Variants in ZNF532 observed in about 807,000 individuals in gnomAD.
ZNF532 encodes zinc finger protein 532.
ZNF532 carries 22 observed loss-of-function variants against 89.3 expected under a neutral mutation model. The ratio of observed to expected loss-of-function variants is 0.25; its 90% CI spans 0.18 to 0.35. The LOEUF (loss-of-function observed/expected upper bound fraction) is 0.35. ZNF532 is among the 10% of genes least tolerant of loss of function. The pLI is 1.00. For synonymous variants in ZNF532, 606 were observed against 649.6 expected, an observed-to-expected ratio of 0.93 and a Z score of 1.02; for missense variants, 1,132 against 1,643.4, an observed-to-expected ratio of 0.69 and a Z score of 5.38.
intron 2 of ZNF532, among the ~76,000 whole-genome samples, chr18:58,879,546 G>A (rs899314904): frequency 6.6e-6 from 1 of 152,016 alleles, no homozygotes; most frequent in Non-Finnish European, 1.5e-5. Flanking sequence ...TTGCCACCAC[G>A]CCCGGCTAAT....
chr18:58,899,610 A>T (rs1268340914), intron 2 of ZNF532, among the ~76,000 whole-genome samples: 1 of 152,152 alleles, frequency 6.6e-6, no homozygotes, highest in Non-Finnish European at 1.5e-5. Flanking sequence ...CTGAGACTAC[A>T]GGTGCGAGCC....
At chr18:58,903,937 G>A (rs2145719883) in intron 2 of ZNF532, among the ~76,000 whole-genome samples, 1 of 152,310 alleles carries the variant, frequency 6.6e-6, no homozygotes, top group East Asian at 1.9e-4. Flanking sequence ...AGAAATTTAA[G>A]AAAATTTCAG....
chr18:58,920,377 A>G lies in ZNF532; in HGVS notation c.2090A>G (p.Asn697Ser), dbSNP rs2060938016. The G allele has an allele frequency of 6.2e-7, 1 of 1,613,850 alleles. No individual in the cohort carries two copies. Among genetic ancestry groups the G allele is most frequent in the African/African-American group, 1.3e-5 (1 of 74,910 alleles). ...ADQMIVSPSS[N>S]TSTSTSTLQS... ...CAAATGATAGTTTCTCCGTCAAGCAATACTTCCACTTCAACTTCCACTCTT... is the reference window on the plus strand; with the variant it reads ...CAAATGATAGTTTCTCCGTCAAGCAGTACTTCCACTTCAACTTCCACTCTT... Residue 697 changes from asparagine (N) to serine (S), a missense_variant, in exon 3 of 10, where the codon AAT (asparagine) becomes AGT (serine). Physicochemically the swap from Asn to Ser is conservative, Grantham distance 46. Coordinates refer to ENST00000591808, the MANE Select transcript of ZNF532 (RefSeq NM_001375912.1).
At chr18:58,908,974 A>G (rs1035648699) in intron 2 of ZNF532, among the ~76,000 whole-genome samples, 5 of 151,940 alleles carry the variant, frequency 3.3e-5, no homozygotes, top group Non-Finnish European at 5.9e-5. Context: ...TTTTTTGGAG[A>G]TGGAGTTTCG....
At chr18:58,918,193 T>C (rs1300796141) in intron 2 of ZNF532, 78 bp from the exon 3 acceptor site, 3 of 1,291,748 alleles carry the variant, frequency 2.3e-6, no homozygotes, top group South Asian at 1.5e-5. Context: ...GTTATGTTAG[T>C]GTGAATTGTA....
chr18:58,919,147 G>T lies in ZNF532; in HGVS notation c.860G>T (p.Cys287Phe). 6.2e-7 allele frequency: 1 copy of T among 1,614,228 alleles called. No individual in the cohort carries two copies. The highest frequency in any genetic ancestry group is 8.5e-7 in the Non-Finnish European group (1 of 1,180,034). ...GCTAAAAAGGCGGCTTCAGACTCCTGCAAAGAACCAGTGGCCAATTCGAGG... is the reference window on the plus strand; with the variant it reads ...GCTAAAAAGGCGGCTTCAGACTCCTTCAAAGAACCAGTGGCCAATTCGAGG... ...LSAKKAASDS[C>F]KEPVANSRES... Residue 287 changes from cysteine (C) to phenylalanine (F), a missense_variant, in exon 3 of 10, where the codon TGC (cysteine) becomes TTC (phenylalanine). By Grantham distance (205) the Cys-to-Phe change is radical (BLOSUM62 -2). Around this residue, in one of 9 missense-constraint regions of ZNF532, gnomAD observed 302 missense variants for 319.8 expected, o/e 0.94. Coordinates refer to ENST00000591808, the MANE Select transcript of ZNF532 (RefSeq NM_001375912.1). The surrounding 1 kb of genome is among the most constrained non-coding windows in gnomAD (Gnocchi z 6.1).
intron 3 of ZNF532, chr18:58,931,864 C>G (rs900070391): frequency 6.6e-6 from 1 of 152,148 alleles, no homozygotes; most frequent in African/African-American, 2.4e-5. Flanking sequence ...TGCTTGAGGC[C>G]AGGAGGTGGA....
intron 2 of ZNF532, among the ~76,000 whole-genome samples, chr18:58,890,494 C>T (rs2058810620): frequency 6.6e-6 from 1 of 151,414 alleles, no homozygotes; most frequent in Non-Finnish European, 1.5e-5. Flanking sequence ...TTTTTTAAAC[C>T]TTAAACTGTA....
intron 2 of ZNF532, chr18:58,916,634 C>A: frequency 1.2e-6 from 1 of 861,606 alleles, no homozygotes; most frequent in Non-Finnish European, 1.4e-6. Flanking sequence ...CGGATTTATT[C>A]TTCAGCTCCC....
At chr18:58,889,126 G>A (rs954832213) in intron 2 of ZNF532, among the ~76,000 whole-genome samples, 1 of 151,004 alleles carries the variant, frequency 6.6e-6, no homozygotes, top group African/African-American at 2.4e-5. Flanking sequence ...AGAATATTCA[G>A]TGTACTTCTC....
chr18:58,928,032 G>C (rs2061665121), intron 3 of ZNF532, among the ~76,000 whole-genome samples: 1 of 152,094 alleles, frequency 6.6e-6, no homozygotes, highest in Non-Finnish European at 1.5e-5. Flanking sequence ...TCTTGATTTA[G>C]CTCAGTCACT....
intron 2 of ZNF532, among the ~76,000 whole-genome samples, chr18:58,906,630 C>T (rs1038310581): frequency 7.2e-5 from 11 of 152,058 alleles, no homozygotes; most frequent in Admixed American, 1.3e-4. Context: ...GCACCTGCAC[C>T]GGTGCTGGGT....
In ZNF532 at chr18:58,888,891, T is replaced by TTATATA. The variant is rs71173096; in HGVS notation, c.-18+23329_-18+23334dup. On this transcript the variant is annotated intron_variant, in intron 2 of 9. Coordinates refer to ENST00000591808, the MANE Select transcript of ZNF532 (RefSeq NM_001375912.1). ...ATAATATATATTATATATATATATTTTATATATATATATATATATATAATT... is the reference window on the plus strand; with the variant it reads ...ATAATATATATTATATATATATATTTTATATATATATATATATATATATATATAATT... 5.4e-4 allele frequency among the ~76,000 whole-genome samples: 20 copies of TTATATA among 37,276 alleles called. No individual in the cohort carries two copies. In the East Asian group the frequency reaches 7.1e-3, roughly 13 times the overall value. 24.5% of individuals were successfully genotyped at this position (37,276 alleles called of 152,430 possible).
intron 7 of ZNF532, among the ~76,000 whole-genome samples, chr18:58,958,856 T>C (rs2065049303): frequency 6.6e-6 from 1 of 152,226 alleles, no homozygotes; most frequent in African/African-American, 2.4e-5. Flanking sequence ...TTTCCTCAGA[T>C]CCATGTACAA....
chr18:58,906,125 G>A (rs907254898), intron 2 of ZNF532, among the ~76,000 whole-genome samples: 3 of 152,276 alleles, frequency 2.0e-5, no homozygotes, highest in South Asian at 2.1e-4. Flanking sequence ...TTCTTTCTCC[G>A]TGGTAAAGTT....
At chr18:58,871,524 C>T (rs888501855) in intron 2 of ZNF532, among the ~76,000 whole-genome samples, 2 of 152,210 alleles carry the variant, frequency 1.3e-5, no homozygotes, top group Non-Finnish European at 2.9e-5. Flanking sequence ...GAAACATGCT[C>T]CTTCTCACTG....
intron 2 of ZNF532, among the ~76,000 whole-genome samples, chr18:58,888,787 A>ATTAT (rs1491511822): frequency 0.032 from 259 of 8,066 alleles, 14 homozygotes; most frequent in South Asian, 0.17. Context: ...ATATATATAA[A>ATTAT]ATATATATAA....
At position 58,984,003 on chromosome 18, in the gene ZNF532, C is replaced by T; in HGVS notation, c.3443C>T (p.Pro1148Leu). Residue 1148 changes from proline (P) to leucine (L), a missense_variant, in exon 10 of 10, where the codon CCA (proline) becomes CTA (leucine). Coordinates refer to ENST00000591808, the MANE Select transcript of ZNF532 (RefSeq NM_001375912.1). ...AGTCCCAAGCGGAAGTTGGAAGAACCAGTTCTGGAGTTCAGGCCTCCCCGA... is the reference window on the plus strand; with the variant it reads ...AGTCCCAAGCGGAAGTTGGAAGAACTAGTTCTGGAGTTCAGGCCTCCCCGA... Reference protein sequence around the residue: ...VPSPKRKLEEPVLEFRPPRGA... With the variant: ...VPSPKRKLEELVLEFRPPRGA... 1.2e-6 allele frequency: 2 copies of T among 1,610,682 alleles called. No homozygotes were observed. Among genetic ancestry groups the T allele is most frequent in the East Asian group, 4.5e-5 (2 of 44,838 alleles).
intron 6 of ZNF532, among the ~76,000 whole-genome samples, chr18:58,952,715 G>A (rs2064337046): frequency 6.6e-6 from 1 of 152,188 alleles, no homozygotes; most frequent in African/African-American, 2.4e-5. Flanking sequence ...CCACCCCGCT[G>A]TTTTTATTCC....
Sources: allele counts gnomAD v4.1 joint callset (sites outside exome capture counted in the v4.1 genomes callset), GRCh38; gene constraint gnomAD v4.1.1; regional missense constraint gnomAD v4.1.1; non-coding constraint Gnocchi (gnomAD v3.1); transcripts MANE v1.5; gene names NCBI Gene and HGNC (gene_info 2026-07-23, HGNC 2026-07-21).